Variants in ULK4 observed in about 807,000 individuals in gnomAD.
The protein encoded by ULK4 is unc-51 like kinase 4, also known as inactive serine/threonine-protein kinase ULK4.
ULK4 carries 133 observed loss-of-function variants against 160.6 expected under a neutral mutation model. That is an observed-to-expected ratio of 0.83 (90% CI 0.72 to 0.96). ULK4 has a LOEUF of 0.96. ULK4 is among the 40% of genes least tolerant of loss of function. The probability of loss-of-function intolerance (pLI) is 0.00; values close to 1 mark genes in which losing one functional copy is unlikely to be tolerated. For synonymous variants in ULK4, 534 were observed against 539.8 expected, an observed-to-expected ratio of 0.99 and a Z score of 0.15; for missense variants, 1,580 against 1,499.5, an observed-to-expected ratio of 1.05 and a Z score of -0.89.
chr3:41,594,530 T>G (rs28609608), intron 31 of ULK4, among the ~76,000 whole-genome samples: 6,543 of 152,024 alleles, frequency 0.043, 435 homozygotes, highest in African/African-American at 0.14. Context: ...AGAATGAGAC[T>G]CTATCTCTAA....
intron 30 of ULK4, among the ~76,000 whole-genome samples, chr3:41,632,447 C>T (rs1271365893): frequency 6.6e-6 from 1 of 152,124 alleles, no homozygotes; most frequent in Non-Finnish European, 1.5e-5. Context: ...GCTAAGATTT[C>T]TCTGTCTTCA....
intron 30 of ULK4, among the ~76,000 whole-genome samples, chr3:41,618,470 C>CA (rs1327396205): frequency 6.6e-6 from 1 of 152,166 alleles, no homozygotes; most frequent in African/African-American, 2.4e-5. Context: ...GGCCAACATT[C>CA]AACATTCTTA....
At chr3:41,624,920 C>A (rs2033427675) in intron 30 of ULK4, among the ~76,000 whole-genome samples, 1 of 152,026 alleles carries the variant, frequency 6.6e-6, no homozygotes, top group Admixed American at 6.5e-5. Flanking sequence ...TTTTGCTAGA[C>A]ATCAAGGTGG....
At chr3:41,438,645 CA>C (rs1317397029) in intron 34 of ULK4, among the ~76,000 whole-genome samples, 3 of 151,748 alleles carry the variant, frequency 2.0e-5, no homozygotes, top group African/African-American at 4.8e-5. Flanking sequence ...CTCATCTCTA[CA>C]AAAGTTAAAA....
intron 32 of ULK4, among the ~76,000 whole-genome samples, chr3:41,522,129 C>CTTTT (rs57720185): frequency 2.9e-4 from 40 of 135,966 alleles, no homozygotes; most frequent in African/African-American, 1.0e-3. Flanking sequence ...TCTTTTTTTT[C>CTTTT]TTTTTTTTTT....
intron 35 of ULK4, among the ~76,000 whole-genome samples, chr3:41,267,333 G>A (rs1251283021): frequency 3.3e-5 from 5 of 152,222 alleles, no homozygotes; most frequent in Admixed American, 2.0e-4. Context: ...TCCCTGCAAA[G>A]GACATGATCT....
chr3:41,658,425 AATATCTTTTGATAAGC>A (rs1467019833), intron 30 of ULK4, among the ~76,000 whole-genome samples: 1 of 152,184 alleles, frequency 6.6e-6, no homozygotes, highest in Non-Finnish European at 1.5e-5. Flanking sequence ...CGCTTGCTTA[AATATCTTTTGATAAGC>A]AATTCCACGT....
intron 18 of ULK4, among the ~76,000 whole-genome samples, chr3:41,830,004 G>A (rs938162651): frequency 6.6e-6 from 1 of 151,768 alleles, no homozygotes; most frequent in Non-Finnish European, 1.5e-5. Flanking sequence ...TAGGGACATG[G>A]ATGAAGCTGG....
At chr3:41,646,565 G>A (rs1399567782) in intron 30 of ULK4, among the ~76,000 whole-genome samples, 1 of 152,242 alleles carries the variant, frequency 6.6e-6, no homozygotes, top group Non-Finnish European at 1.5e-5. Context: ...GAGATCCGCT[G>A]TTAGTCTGAT....
intron 31 of ULK4, among the ~76,000 whole-genome samples, chr3:41,610,459 A>G (rs957667962): frequency 2.0e-5 from 3 of 152,200 alleles, no homozygotes; most frequent in Non-Finnish European, 4.4e-5. Flanking sequence ...GAACCAATAC[A>G]TATTTGTTGA....
At chr3:41,820,052 T>A (rs2125630429) in intron 18 of ULK4, among the ~76,000 whole-genome samples, 1 of 152,178 alleles carries the variant, frequency 6.6e-6, no homozygotes, top group East Asian at 1.9e-4. Flanking sequence ...TTAACCAAAT[T>A]AGTGTAATAA....
intron 2 of ULK4, 78 bp downstream of exon 2, chr3:41,954,544 A>C (rs1312224799): frequency 6.7e-7 from 1 of 1,487,076 alleles, no homozygotes; most frequent in Non-Finnish European, 9.0e-7. Context: ...AAATTCAATG[A>C]CTACTGTGAA....
At chr3:41,558,749 T>A (rs1459990064) in intron 32 of ULK4, among the ~76,000 whole-genome samples, 1 of 150,962 alleles carries the variant, frequency 6.6e-6, no homozygotes, top group Non-Finnish European at 1.5e-5. Flanking sequence ...GAAATAGAAC[T>A]CTAAATTCTT....
chr3:41,842,195 AAAAAG>A (rs1271779209), intron 17 of ULK4, among the ~76,000 whole-genome samples: 2 of 132,154 alleles, frequency 1.5e-5, no homozygotes, highest in African/African-American at 4.3e-5. Context: ...AAAAATAAAA[AAAAAG>A]AAGACTAAGG....
chr3:41,655,068 G>A (rs1369021325), intron 30 of ULK4, among the ~76,000 whole-genome samples: 1 of 152,008 alleles, frequency 6.6e-6, no homozygotes, highest in Non-Finnish European at 1.5e-5. Context: ...CAGCACTTTG[G>A]GAGGCTGAGG....
At chr3:41,664,034 A>C (rs1441852836) in intron 29 of ULK4, among the ~76,000 whole-genome samples, 1 of 152,194 alleles carries the variant, frequency 6.6e-6, no homozygotes, top group Non-Finnish European at 1.5e-5. Flanking sequence ...CTCTGAAATA[A>C]ATTTATGAGT....
intron 35 of ULK4, among the ~76,000 whole-genome samples, chr3:41,340,328 C>G (rs546367381): frequency 6.6e-6 from 1 of 152,178 alleles, no homozygotes; most frequent in Non-Finnish European, 1.5e-5. Flanking sequence ...AATGCAAATA[C>G]AGGCCTCTAG....
At chr3:41,811,750 A>G (rs2040825029) in intron 19 of ULK4, among the ~76,000 whole-genome samples, 1 of 152,182 alleles carries the variant, frequency 6.6e-6, no homozygotes, top group Admixed American at 6.5e-5. Flanking sequence ...GGTAATTTCT[A>G]GAGTTCTAAA....
At chr3:41,849,392 G>C (rs1380025373) in intron 17 of ULK4, among the ~76,000 whole-genome samples, 4 of 152,114 alleles carry the variant, frequency 2.6e-5, no homozygotes, top group Admixed American at 1.3e-4. Context: ...CCAACCACTA[G>C]AGAAGCAGCA....
Sources: allele counts gnomAD v4.1 joint callset (sites outside exome capture counted in the v4.1 genomes callset), GRCh38; gene constraint gnomAD v4.1.1; transcripts MANE v1.5; gene names NCBI Gene and HGNC (gene_info 2026-07-23, HGNC 2026-07-21).